The following CEP85L variants were observed in gnomAD, a reference collection of about 807,000 sequenced individuals.
CEP85L encodes the protein centrosomal protein 85L.
Under a neutral mutation model 100.3 loss-of-function variants are expected in CEP85L, and 60 were observed. The ratio of observed to expected loss-of-function variants is 0.60; its 90% CI spans 0.49 to 0.74. CEP85L has a LOEUF of 0.74. Ranked by LOEUF, CEP85L falls within the 30% of genes least tolerant of loss-of-function variation. The pLI, the probability that CEP85L is intolerant of heterozygous loss-of-function variation, is 0.00. For missense variants in CEP85L, 973 were observed against 936.2 expected (o/e 1.04, Z -0.51); for synonymous variants, 319 against 322.7 (o/e 0.99, Z 0.12).
intron 5 of CEP85L, chr6:118,501,624 A>G: frequency 1.6e-6 from 1 of 620,858 alleles, no homozygotes; most frequent in Non-Finnish European, 3.1e-6. Context: ...ATGATTTACA[A>G]CAAACCAGAG....
intron 1 of CEP85L, among the ~76,000 whole-genome samples, chr6:118,701,285 T>A (rs1180858137): frequency 6.6e-6 from 1 of 152,172 alleles, no homozygotes. Context: ...AGGGTATATA[T>A]CCGAAATAAA....
intron 3 of CEP85L, among the ~76,000 whole-genome samples, chr6:118,558,506 T>C (rs764817921): frequency 6.6e-6 from 1 of 151,930 alleles, no homozygotes; most frequent in African/African-American, 2.4e-5. Flanking sequence ...ATACTTGTAG[T>C]AAATTTGGGA....
chr6:118,544,069 G>C (rs140555022), intron 3 of CEP85L, among the ~76,000 whole-genome samples: 168 of 152,272 alleles, frequency 1.1e-3, no homozygotes, highest in African/African-American at 3.9e-3. Context: ...CAGTGATAGT[G>C]CCACCACAAA....
chr6:118,462,432 A>G lies in CEP85L; in HGVS notation c.*2973T>C, dbSNP rs1227495952. On this transcript the variant is annotated 3_prime_UTR_variant, in exon 13 of 13. Transcript: ENST00000368491. Reference sequence around the variant, plus strand: ...TCAGTGAATTTTATCTGTACAGGCAATTTGGGTCTTTCATTGAGTCAACTG... The same window carrying G: ...TCAGTGAATTTTATCTGTACAGGCAGTTTGGGTCTTTCATTGAGTCAACTG... 1 of 151,984 alleles carries G rather than the reference A, an allele frequency of 6.6e-6. No individual in the cohort carries two copies. Among genetic ancestry groups the G allele is most frequent in the Non-Finnish European group, 1.5e-5 (1 of 67,896 alleles). 9.4% of individuals were successfully genotyped at this position (151,984 alleles called of 1,614,324 possible).
chr6:118,696,373 G>A (rs1777211717), intron 1 of CEP85L, among the ~76,000 whole-genome samples: 1 of 152,228 alleles, frequency 6.6e-6, no homozygotes, highest in Non-Finnish European at 1.5e-5. Context: ...TATCTCTTCT[G>A]TGATGATAGA....
At chr6:118,708,806 C>T (rs559529443) in intron 1 of CEP85L, among the ~76,000 whole-genome samples, 12 of 152,146 alleles carry the variant, frequency 7.9e-5, no homozygotes, top group Admixed American at 2.6e-4. Flanking sequence ...ATTTTTCAGG[C>T]GAAAGAAAGA....
chr6:118,567,239 G>GTATA (rs1779585529), intron 2 of CEP85L, among the ~76,000 whole-genome samples: 4 of 53,326 alleles, frequency 7.5e-5, no homozygotes, highest in Non-Finnish European at 1.1e-4. Context: ...GTGTGTGTGT[G>GTATA]TGTGTGTGTG....
intron 3 of CEP85L, among the ~76,000 whole-genome samples, chr6:118,539,050 T>G (rs371393948): frequency 1.2e-4 from 19 of 152,242 alleles, no homozygotes; most frequent in African/African-American, 4.6e-4. Context: ...AATAGCAAAT[T>G]TACTACACTA....
chr6:118,516,506 A>G (rs930937332), intron 4 of CEP85L, among the ~76,000 whole-genome samples: 2 of 152,208 alleles, frequency 1.3e-5, no homozygotes, highest in African/African-American at 4.8e-5. Flanking sequence ...ATGATCAGTG[A>G]TGATGAGCTT....
chr6:118,502,068 G>T, intron 5 of CEP85L: 1 of 863,604 alleles, frequency 1.2e-6, no homozygotes, highest in Non-Finnish European at 1.9e-6. Context: ...CCCATCCTGT[G>T]GATCCCATTG....
At chr6:118,646,891 G>T (rs1484335866) in intron 1 of CEP85L, 1 of 972,888 alleles carries the variant, frequency 1.0e-6, no homozygotes, top group Non-Finnish European at 1.2e-6. Context: ...CATGACAATA[G>T]AGGTTATCAA....
chr6:118,476,430 G>C (rs533935474), intron 10 of CEP85L, among the ~76,000 whole-genome samples: 30 of 151,840 alleles, frequency 2.0e-4, no homozygotes, highest in African/African-American at 7.0e-4. Flanking sequence ...AATTAAACTT[G>C]AGAAAAAGAA....
At chr6:118,581,472 A>C (rs1173136981) in intron 2 of CEP85L, among the ~76,000 whole-genome samples, 1 of 151,790 alleles carries the variant, frequency 6.6e-6, no homozygotes, top group African/African-American at 2.4e-5. Flanking sequence ...AGGAGGTCAA[A>C]GGGAAATAAC....
Position 118,469,090 on chromosome 6 carries a change from A to G in CEP85L, c.2236T>C (p.Leu746=), listed in dbSNP as rs751043572. The G allele has an allele frequency of 6.2e-7, 1 of 1,612,438 alleles. No individual in the cohort carries two copies. The highest frequency in any genetic ancestry group is 1.1e-5 in the South Asian group (1 of 91,054). The change falls in exon 12 of 13, where the codon TTA becomes CTA. Residue 746 remains leucine, a synonymous_variant. Coordinates refer to ENST00000368491, the MANE Select transcript of CEP85L (RefSeq NM_001042475.3). ...RAQGKEPNLS[L]LLGIRSMNCS... ...CACTTACATCTTATTCCCAGTAATA[A>G]TGAAAGATTAGGCTCCTTGCCCTGA...
chr6:118,491,955 T>C (rs1774607033), intron 5 of CEP85L, 90 bp from the exon 6 acceptor site: 1 of 900,908 alleles, frequency 1.1e-6, no homozygotes, highest in East Asian at 2.6e-5. Context: ...ATATAAGGAG[T>C]ACATATAGGC....
chr6:118,692,741 A>ACATT (rs1554246780), intron 1 of CEP85L, among the ~76,000 whole-genome samples: 12 of 62,946 alleles, frequency 1.9e-4, no homozygotes, highest in Non-Finnish European at 2.0e-4. Flanking sequence ...GCAGTGAGCT[A>ACATT]GTTAAGGGCA....
At chr6:118,579,540 CT>C (rs780014268) in intron 2 of CEP85L, among the ~76,000 whole-genome samples, 2 of 152,196 alleles carry the variant, frequency 1.3e-5, no homozygotes, top group Non-Finnish European at 2.9e-5. Context: ...AGTGTTACTT[CT>C]CTCCTACAAA....
At chr6:118,541,952 AC>A (rs1192336056) in intron 3 of CEP85L, among the ~76,000 whole-genome samples, 2 of 152,178 alleles carry the variant, frequency 1.3e-5, no homozygotes, top group African/African-American at 4.8e-5. Context: ...CATTTCAAAA[AC>A]AAATCAAATT....
intron 2 of CEP85L, among the ~76,000 whole-genome samples, chr6:118,616,160 C>T (rs1773029381): frequency 6.6e-6 from 1 of 151,924 alleles, no homozygotes; most frequent in Non-Finnish European, 1.5e-5. Flanking sequence ...GCAAAGAGTT[C>T]TTAAACTTGA....
Sources: allele counts gnomAD v4.1 joint callset (sites outside exome capture counted in the v4.1 genomes callset), GRCh38; gene constraint gnomAD v4.1.1; transcripts MANE v1.5; gene names NCBI Gene and HGNC (gene_info 2026-07-23, HGNC 2026-07-21).